NUDT3: variants seen among roughly 807,000 people sequenced by gnomAD.
The protein encoded by NUDT3 is diphosphoinositol polyphosphate phosphohydrolase 1.
NUDT3 carries 9 observed loss-of-function variants against 23.6 expected under a neutral mutation model. That is an observed-to-expected ratio of 0.38 (90% CI 0.23 to 0.66). The LOEUF (loss-of-function observed/expected upper bound fraction) is 0.66. Ranked by LOEUF, NUDT3 falls within the 30% of genes least tolerant of loss-of-function variation. The pLI is 0.52. For missense variants in NUDT3, 172 were observed against 218.5 expected, an observed-to-expected ratio of 0.79 and a Z score of 1.34; for synonymous variants, 86 against 82.6, an observed-to-expected ratio of 1.04 and a Z score of -0.22.
chr6:34,388,716 A>G (rs1444933029), intron 1 of NUDT3, among the ~76,000 whole-genome samples: 2 of 152,226 alleles, frequency 1.3e-5, no homozygotes, highest in African/African-American at 4.8e-5. Context: ...TAGATTCTCC[A>G]TGACACAGCG....
rs549115282 is a variant in NUDT3 at position 34,377,405 on chromosome 6, G to A, written c.99+14859C>T. 3.9e-5 allele frequency among the ~76,000 whole-genome samples: 6 copies of A among 151,966 alleles called. 1 individual carries two copies. The highest frequency in any genetic ancestry group is 1.4e-4 in the African/African-American group (6 of 41,456). On this transcript the variant is annotated intron_variant, in intron 1 of 4. Coordinates refer to ENST00000607016, the MANE Select transcript of NUDT3 (RefSeq NM_006703.4). Reference sequence around the variant, plus strand: ...CAATATATGTATTTTAAGAAGCATCGTACTGTTTTCATAAACTTGGATTTT... The same window carrying A: ...CAATATATGTATTTTAAGAAGCATCATACTGTTTTCATAAACTTGGATTTT...
chr6:34,341,727 A>C, intron 2 of NUDT3, 135 bp downstream of exon 2: 2 of 643,350 alleles, frequency 3.1e-6, no homozygotes, highest in Non-Finnish European at 4.9e-6. Flanking sequence ...TAAAGGAGGG[A>C]CCGGATAACC....
chr6:34,322,731 T>C (rs1357074412), intron 2 of NUDT3, among the ~76,000 whole-genome samples: 1 of 152,222 alleles, frequency 6.6e-6, no homozygotes, highest in Non-Finnish European at 1.5e-5. Flanking sequence ...TACTGGATAA[T>C]ATCATGGAAT....
At chr6:34,372,967 T>TAGAGAGAG (rs948007593) in intron 1 of NUDT3, among the ~76,000 whole-genome samples, 27 of 148,974 alleles carry the variant, frequency 1.8e-4, no homozygotes, top group African/African-American at 6.1e-4. Flanking sequence ...TATATATACA[T>TAGAGAGAG]AGAGAGAGAG....
chr6:34,334,207 A>G (rs1261963533), intron 2 of NUDT3, among the ~76,000 whole-genome samples: 5 of 152,204 alleles, frequency 3.3e-5, no homozygotes, highest in African/African-American at 1.2e-4. Flanking sequence ...GCATTTGGAG[A>G]GTATGTCTAT....
rs1057481590 is a variant in NUDT3, at chr6:34,346,616, A to G, written c.100-4644T>C. ...AGCCATGACTATATGAACTAGGACT[A>G]CAATAATGAGGCTGAAGGAAGCAAG... On this transcript the variant is annotated intron_variant, in intron 1 of 4. Transcript: ENST00000607016. Among the ~76,000 whole-genome samples the G allele has an allele frequency of 4.6e-5, 7 of 152,366 alleles. No individual in the cohort carries two copies. In the East Asian group the frequency reaches 1.3e-3, roughly 29 times the overall value.
In NUDT3 at chr6:34,381,866, A is replaced by C. The variant is rs1581902641; in HGVS notation, c.99+10398T>G. Among the ~76,000 whole-genome samples the C allele has an allele frequency of 3.9e-5, 6 of 151,986 alleles. No individual in the cohort carries two copies. In the South Asian group the frequency reaches 1.3e-3, roughly 32 times the overall value. On this transcript the variant is annotated intron_variant, in intron 1 of 4. Transcript: ENST00000607016. ...GAGGCAGGCAGATCACGAGGTCAGG[A>C]GTTCGAGACCAGCCTGGCCAACATG...
In NUDT3 at chr6:34,343,735, G is replaced by A. The variant is rs138742956; in HGVS notation, c.100-1763C>T. On this transcript the variant is annotated intron_variant, in intron 1 of 4. Coordinates refer to ENST00000607016, the MANE Select transcript of NUDT3 (RefSeq NM_006703.4). Reference sequence around the variant, plus strand: ...GCATGAGCAACAAAAGGGCAAACAAGATAAACTGGAATTTATTGAAATTAA... The same window carrying A: ...GCATGAGCAACAAAAGGGCAAACAAAATAAACTGGAATTTATTGAAATTAA... 5.6e-3 allele frequency among the ~76,000 whole-genome samples: 854 copies of A among 152,108 alleles called. 3 individuals are homozygous for A. The highest frequency in any genetic ancestry group is 0.017 in the African/African-American group (725 of 41,478).
At chr6:34,295,986 T>A (rs1160966778) in intron 2 of NUDT3, among the ~76,000 whole-genome samples, 3 of 152,172 alleles carry the variant, frequency 2.0e-5, no homozygotes, top group East Asian at 1.9e-4. Context: ...CCAAAAATAT[T>A]CTGAGGTATT....
chr6:34,366,893 A>AT (rs1308427894), intron 1 of NUDT3, among the ~76,000 whole-genome samples: 1 of 151,638 alleles, frequency 6.6e-6, no homozygotes, highest in Non-Finnish European at 1.5e-5. Context: ...TTTTACCACA[A>AT]TTAAAAAAAA....
intron 2 of NUDT3, among the ~76,000 whole-genome samples, chr6:34,341,509 T>C (rs967272629): frequency 6.6e-6 from 1 of 152,220 alleles, no homozygotes; most frequent in South Asian, 2.1e-4. Flanking sequence ...CAAAGCTTAA[T>C]GACAATGAGT....
chr6:34,302,516 T>A (rs1427357700), intron 2 of NUDT3, among the ~76,000 whole-genome samples: 3 of 152,164 alleles, frequency 2.0e-5, no homozygotes, highest in Non-Finnish European at 4.4e-5. Context: ...GCAGATTGCC[T>A]CAGCTCAGGA....
intron 2 of NUDT3, among the ~76,000 whole-genome samples, chr6:34,333,729 T>G (rs2113728624): frequency 6.6e-6 from 1 of 152,366 alleles, no homozygotes; most frequent in African/African-American, 2.4e-5. Flanking sequence ...AGCACATGAC[T>G]TCACTACTCT....
intron 1 of NUDT3, among the ~76,000 whole-genome samples, chr6:34,377,613 C>A (rs1764945535): frequency 6.6e-6 from 1 of 150,694 alleles, no homozygotes; most frequent in African/African-American, 2.4e-5. Flanking sequence ...ACGGACAGAT[C>A]ATTTGAGGCC....
chr6:34,391,902 A>G (rs557722196), intron 1 of NUDT3, among the ~76,000 whole-genome samples: 1 of 152,018 alleles, frequency 6.6e-6, no homozygotes, highest in East Asian at 1.9e-4. Context: ...ACAACTGCGG[A>G]GCGGCCCTTC....
intron 1 of NUDT3, among the ~76,000 whole-genome samples, chr6:34,343,928 A>C (rs888091785): frequency 6.6e-6 from 1 of 152,256 alleles, no homozygotes; most frequent in Non-Finnish European, 1.5e-5. Flanking sequence ...TAAGCACATG[A>C]AAAGATGCTC....
At chr6:34,343,386 C>CA (rs571227862) in intron 1 of NUDT3, among the ~76,000 whole-genome samples, 16,180 of 71,180 alleles carry the variant, frequency 0.23, 1,103 homozygotes, top group African/African-American at 0.27. Context: ...CTCGTCTCTA[C>CA]AAAAAAAAAA....
At chr6:34,342,611 T>C (rs760330459) in intron 1 of NUDT3, among the ~76,000 whole-genome samples, 1 of 152,246 alleles carries the variant, frequency 6.6e-6, no homozygotes, top group Non-Finnish European at 1.5e-5. Context: ...AGCATTCTGG[T>C]CAGAGTTGAA....
chr6:34,338,619 G>A (rs904763254), intron 2 of NUDT3, among the ~76,000 whole-genome samples: 2 of 152,138 alleles, frequency 1.3e-5, no homozygotes, highest in African/African-American at 4.8e-5. Context: ...CTATGAGGAA[G>A]GTGCAGACTC....
Sources: gnomAD v4.1 joint callset for allele counts (sites outside exome capture counted in the v4.1 genomes callset) on GRCh38, gnomAD v4.1.1 for gene constraint, MANE v1.5 for transcripts, NCBI Gene and HGNC (gene_info 2026-07-23, HGNC 2026-07-21) for gene names.